Variants in PHLDB2 observed in about 807,000 individuals in gnomAD.
PHLDB2 encodes the protein pleckstrin homology-like domain family B member 2.
PHLDB2 carries 71 observed loss-of-function variants against 123.6 expected under a neutral mutation model. That is an observed-to-expected ratio of 0.57 (90% CI 0.47 to 0.70). The LOEUF is 0.70. Among genes scored for constraint, PHLDB2 ranks in the 30% least tolerant of loss-of-function variants. The pLI is 0.00. For missense variants in PHLDB2, 1,446 were observed against 1,519.5 expected (o/e 0.95, Z 0.80); for synonymous variants, 547 against 541.6 (o/e 1.01, Z -0.14).
Position 111,884,558 on chromosome 3 carries a change from G to A in PHLDB2, c.481G>A (p.Val161Ile), listed in dbSNP as rs758009419. The A allele has an allele frequency of 3.1e-6, 5 of 1,613,980 alleles. No individual in the cohort carries two copies. Among genetic ancestry groups the A allele is most frequent in the African/African-American group, 2.7e-5 (2 of 74,900 alleles). ...YSSRHKSHDNVYSLGGLEGRK... is the reference protein window; with the variant it reads ...YSSRHKSHDNIYSLGGLEGRK... ...CTCAAGGCATAAATCGCATGACAAT[G>A]TCTACTCTCTTGGAGGGCTGGAAGG... Residue 161 changes from valine to isoleucine, a missense_variant, in exon 2 of 18, where the codon GTC becomes ATC. Val to Ile is a conservative substitution (Grantham distance 29). Around this residue, in one of 3 missense-constraint regions of PHLDB2, gnomAD observed 832 missense variants for 831.9 expected, o/e 1.00. Transcript: ENST00000431670.
chr3:111,859,187 G>A (rs1318383947), upstream of PHLDB2: 2 of 985,116 alleles, frequency 2.0e-6, no homozygotes, highest in African/African-American at 1.7e-5. Flanking sequence ...GCTGTCTGGT[G>A]AGGAAATCAT....
At chr3:111,927,570 T>C (rs2068883326) in intron 5 of PHLDB2, among the ~76,000 whole-genome samples, 1 of 152,206 alleles carries the variant, frequency 6.6e-6, no homozygotes, top group Non-Finnish European at 1.5e-5. Flanking sequence ...CTAACAGGGT[T>C]GTCAGAACTA....
chr3:111,885,566 C>T (rs1321770104), intron 2 of PHLDB2, 154 bp downstream of exon 2: 2 of 990,376 alleles, frequency 2.0e-6, no homozygotes, highest in Admixed American at 2.0e-5. Context: ...TGCTATCCTT[C>T]TTCTTCCCAT....
intron 12 of PHLDB2, among the ~76,000 whole-genome samples, chr3:111,956,719 G>T (rs2071083990): frequency 1.3e-5 from 2 of 152,152 alleles, no homozygotes; most frequent in African/African-American, 2.4e-5. Flanking sequence ...AGAAGTCAGG[G>T]TCTATAGTTC....
intron 5 of PHLDB2, among the ~76,000 whole-genome samples, chr3:111,925,010 A>G (rs1282964): frequency 0.89 from 134,541 of 151,866 alleles, 59,744 homozygotes; most frequent in Middle Eastern, 0.93. Context: ...TACATTTTTA[A>G]TAGAGACGGA....
intron 1 of PHLDB2, among the ~76,000 whole-genome samples, chr3:111,738,568 AT>A (rs1467834373): frequency 6.6e-6 from 1 of 152,146 alleles, no homozygotes; most frequent in African/African-American, 2.4e-5. Context: ...AAGGTTTTAA[AT>A]TTATCCAGTA....
intron 15 of PHLDB2, among the ~76,000 whole-genome samples, 165 bp downstream of exon 15, chr3:111,967,989 A>T (rs1195603353): frequency 6.6e-6 from 1 of 151,734 alleles, no homozygotes; most frequent in Non-Finnish European, 1.5e-5. Flanking sequence ...AAAAAAAAAA[A>T]AAAAAAAAAA....
intron 1 of PHLDB2, among the ~76,000 whole-genome samples, chr3:111,741,075 T>A (rs544903780): frequency 3.2e-4 from 48 of 152,294 alleles, no homozygotes; most frequent in African/African-American, 9.9e-4. Flanking sequence ...GTGAGCACCA[T>A]TGCTTCTTGA....
intron 1 of PHLDB2, among the ~76,000 whole-genome samples, chr3:111,760,303 C>T (rs1230252644): frequency 6.6e-6 from 1 of 152,194 alleles, no homozygotes; most frequent in Non-Finnish European, 1.5e-5. Context: ...TTTTACCTTA[C>T]GTGGACTGTA....
At chr3:111,941,017 C>A (rs539290291) in intron 8 of PHLDB2, among the ~76,000 whole-genome samples, 1 of 152,334 alleles carries the variant, frequency 6.6e-6, no homozygotes, top group African/African-American at 2.4e-5. Flanking sequence ...CTTTTTACTA[C>A]TGTCAAATAT....
At chr3:111,942,891 A>C (rs1467926249) in intron 8 of PHLDB2, among the ~76,000 whole-genome samples, 1 of 151,620 alleles carries the variant, frequency 6.6e-6, no homozygotes, top group Non-Finnish European at 1.5e-5. Flanking sequence ...TTCAAACGGA[A>C]ACACACATGA....
intron 5 of PHLDB2, among the ~76,000 whole-genome samples, chr3:111,931,129 A>G (rs1403511816): frequency 6.6e-6 from 1 of 152,200 alleles, no homozygotes; most frequent in Non-Finnish European, 1.5e-5. Flanking sequence ...TGTGCTTAGA[A>G]GCTAGTTTTG....
intron 2 of PHLDB2, among the ~76,000 whole-genome samples, chr3:111,899,518 G>A (rs2067068146): frequency 6.6e-6 from 1 of 152,150 alleles, no homozygotes; most frequent in African/African-American, 2.4e-5. Flanking sequence ...GTAAACCATG[G>A]TAGAAACAGA....
intron 1 of PHLDB2, among the ~76,000 whole-genome samples, chr3:111,806,228 T>C (rs1272275113): frequency 6.6e-6 from 1 of 152,176 alleles, no homozygotes; most frequent in Non-Finnish European, 1.5e-5. Flanking sequence ...TTATAGAATT[T>C]TTGATGACTA....
At chr3:111,963,995 G>T (rs2071589493) in intron 13 of PHLDB2, among the ~76,000 whole-genome samples, 1 of 152,090 alleles carries the variant, frequency 6.6e-6, no homozygotes, top group Non-Finnish European at 1.5e-5. Context: ...GTTGATGGTA[G>T]TACAGAAGAG....
intron 1 of PHLDB2, among the ~76,000 whole-genome samples, chr3:111,816,939 A>G (rs2062105210): frequency 6.6e-6 from 1 of 152,168 alleles, no homozygotes; most frequent in Non-Finnish European, 1.5e-5. Flanking sequence ...ATAATGAATG[A>G]GTCTCACAAG....
chr3:111,875,175 A>G (rs1391079521), intron 1 of PHLDB2, among the ~76,000 whole-genome samples: 3 of 151,276 alleles, frequency 2.0e-5, no homozygotes, highest in Non-Finnish European at 4.4e-5. Flanking sequence ...TTTGCAATGG[A>G]GTTTTGCTTG....
chr3:111,768,861 G>C (rs909178764), intron 1 of PHLDB2, among the ~76,000 whole-genome samples: 2 of 152,136 alleles, frequency 1.3e-5, no homozygotes, highest in African/African-American at 4.8e-5. Flanking sequence ...TTCATGTCTG[G>C]AATGCTTCAG....
chr3:111,824,930 G>C (rs1223785867), intron 1 of PHLDB2, among the ~76,000 whole-genome samples: 1 of 152,102 alleles, frequency 6.6e-6, no homozygotes, highest in Non-Finnish European at 1.5e-5. Flanking sequence ...TGGAAAAATT[G>C]TTCCTTATAT....
Sources: gnomAD v4.1 joint callset for allele counts (sites outside exome capture counted in the v4.1 genomes callset) on GRCh38, gnomAD v4.1.1 for gene constraint, gnomAD v4.1.1 regional missense constraint, MANE v1.5 for transcripts, NCBI Gene and HGNC (gene_info 2026-07-23, HGNC 2026-07-21) for gene names.